Variants in NDUFAF2 observed in about 807,000 individuals in gnomAD.
NDUFAF2 encodes NADH:ubiquinone oxidoreductase complex assembly factor 2.
In NDUFAF2, 13 loss-of-function variants were observed where a neutral mutation model predicts 22.8. The ratio of observed to expected loss-of-function variants is 0.57; its 90% CI spans 0.37 to 0.91. The LOEUF (loss-of-function observed/expected upper bound fraction) is 0.91. NDUFAF2 is among the 40% of genes least tolerant of loss of function. The pLI is 0.01. For missense variants in NDUFAF2, 162 were observed against 195.2 expected (o/e 0.83, Z 1.01); for synonymous variants, 53 against 64.2 (o/e 0.83, Z 0.84).
intron 3 of NDUFAF2, among the ~76,000 whole-genome samples, chr5:61,148,496 A>T (rs1418460618): frequency 6.6e-6 from 1 of 152,212 alleles, no homozygotes; most frequent in Admixed American, 6.5e-5. Flanking sequence ...AATAGAATGA[A>T]ATCACTATTT....
At chr5:61,096,146 T>TCAGA (rs10676796) in intron 2 of NDUFAF2, among the ~76,000 whole-genome samples, 90,871 of 151,484 alleles carry the variant, frequency 0.6, 27,977 homozygotes, top group East Asian at 0.94. Flanking sequence ...CAAATATTTT[T>TCAGA]CAAAATATTC....
At chr5:61,066,361 A>G (rs1752228231) in intron 1 of NDUFAF2, among the ~76,000 whole-genome samples, 1 of 152,076 alleles carries the variant, frequency 6.6e-6, no homozygotes, top group Non-Finnish European at 1.5e-5. Context: ...AACAATCCTA[A>G]AATTTGTATA....
At chr5:60,963,218 A>C (rs1265785528) in intron 1 of NDUFAF2, among the ~76,000 whole-genome samples, 9 of 152,192 alleles carry the variant, frequency 5.9e-5, no homozygotes, top group Non-Finnish European at 1.2e-4. Flanking sequence ...AGAGATTCTA[A>C]TATTGAGTAG....
intron 1 of NDUFAF2, among the ~76,000 whole-genome samples, 177 bp from the exon 2 acceptor site, chr5:61,072,948 A>G (rs1752319042): frequency 6.6e-6 from 1 of 152,198 alleles, no homozygotes; most frequent in African/African-American, 2.4e-5. Flanking sequence ...AAATTTTTAC[A>G]GTAGTTTAGA....
At chr5:61,042,433 A>G (rs1751895132) in intron 1 of NDUFAF2, among the ~76,000 whole-genome samples, 2 of 152,208 alleles carry the variant, frequency 1.3e-5, no homozygotes, top group Non-Finnish European at 1.5e-5. Flanking sequence ...AATTCTATGT[A>G]TGTATGTATT....
At chr5:61,026,804 A>G (rs1258759742) in intron 1 of NDUFAF2, among the ~76,000 whole-genome samples, 6 of 151,970 alleles carry the variant, frequency 3.9e-5, no homozygotes, top group Non-Finnish European at 4.4e-5. Context: ...ATTTTTAGCA[A>G]AATGTACAAA....
At chr5:60,988,548 A>G (rs889015152) in intron 1 of NDUFAF2, among the ~76,000 whole-genome samples, 1 of 152,202 alleles carries the variant, frequency 6.6e-6, no homozygotes, top group African/African-American at 2.4e-5. Context: ...GGCTGTAGTA[A>G]CCAAAACAGT....
chr5:61,058,839 G>T (rs554969317), intron 1 of NDUFAF2, among the ~76,000 whole-genome samples: 2 of 152,124 alleles, frequency 1.3e-5, no homozygotes, highest in Middle Eastern at 3.4e-3. Context: ...AACCTGAAAT[G>T]ACTACTTCTT....
intron 2 of NDUFAF2, among the ~76,000 whole-genome samples, chr5:61,082,511 C>G (rs1287532960): frequency 6.6e-6 from 1 of 152,054 alleles, no homozygotes; most frequent in East Asian, 1.9e-4. Context: ...TTCAACTGAA[C>G]CTGTCACCCA....
intron 1 of NDUFAF2, among the ~76,000 whole-genome samples, chr5:60,986,052 A>G (rs1751070621): frequency 6.6e-6 from 1 of 152,224 alleles, no homozygotes; most frequent in Non-Finnish European, 1.5e-5. Flanking sequence ...ATGGGATTGT[A>G]AAGTAGTATA....
At chr5:60,979,124 A>G (rs746522279) in intron 1 of NDUFAF2, among the ~76,000 whole-genome samples, 17 of 151,822 alleles carry the variant, frequency 1.1e-4, no homozygotes, top group Non-Finnish European at 2.4e-4. Context: ...ACTTGCTGAC[A>G]AAAGTGCCTT....
rs190394456 is a variant in NDUFAF2 at position 61,027,762 on chromosome 5, C to T, written c.128-45363C>T. The stretch of plus-strand genomic sequence containing the variant: ...TTAATTTACTACTTATTAAAAGCCT[C>T]CTTTTTTTCTTCTTATCAGTTGCTG... On this transcript the variant is annotated intron_variant, in intron 1 of 3. Transcript: ENST00000296597. Among the ~76,000 whole-genome samples, 381 of 152,050 alleles carry T rather than the reference C, an allele frequency of 2.5e-3. 1 individual carries two copies. The highest frequency in any genetic ancestry group is 4.2e-3 in the Non-Finnish European group (282 of 67,900).
At chr5:61,080,617 C>A (rs549772909) in intron 2 of NDUFAF2, among the ~76,000 whole-genome samples, 60 of 152,186 alleles carry the variant, frequency 3.9e-4, no homozygotes, top group African/African-American at 1.4e-3. Context: ...TGACCTAGAT[C>A]ATCTTTTCAT....
chr5:61,053,449 G>C (rs1214979781), intron 1 of NDUFAF2, among the ~76,000 whole-genome samples: 1 of 152,164 alleles, frequency 6.6e-6, no homozygotes, highest in African/African-American at 2.4e-5. Flanking sequence ...TCTCCACATA[G>C]TAGAATAGAT....
intron 1 of NDUFAF2, among the ~76,000 whole-genome samples, chr5:61,045,513 T>A (rs1368851653): frequency 6.6e-6 from 1 of 151,868 alleles, no homozygotes; most frequent in East Asian, 1.9e-4. Flanking sequence ...TTTTTTACTT[T>A]ATTTTTTTAG....
chr5:61,081,182 T>C (rs1752437513), intron 2 of NDUFAF2, among the ~76,000 whole-genome samples: 1 of 152,210 alleles, frequency 6.6e-6, no homozygotes, highest in South Asian at 2.1e-4. Context: ...CATGGAGTTA[T>C]TTATCTTTTT....
At chr5:61,044,064 A>G (rs1008101463) in intron 1 of NDUFAF2, among the ~76,000 whole-genome samples, 93 of 152,154 alleles carry the variant, frequency 6.1e-4, no homozygotes, top group African/African-American at 2.2e-3. Context: ...GTGTAAGGTG[A>G]TATCTCATTG....
At chr5:61,044,777 CT>C (rs1227351129) in intron 1 of NDUFAF2, among the ~76,000 whole-genome samples, 1 of 151,970 alleles carries the variant, frequency 6.6e-6, no homozygotes, top group Non-Finnish European at 1.5e-5. Flanking sequence ...TGGCATTGTT[CT>C]TTTTGCTCAA....
At chr5:61,110,381 G>C (rs372696961) in intron 3 of NDUFAF2, among the ~76,000 whole-genome samples, 1 of 151,382 alleles carries the variant, frequency 6.6e-6, no homozygotes, top group East Asian at 1.9e-4. Context: ...TCCATTTTTC[G>C]GACTAGTTTG....
Sources: gnomAD v4.1 joint callset for allele counts (sites outside exome capture counted in the v4.1 genomes callset) on GRCh38, gnomAD v4.1.1 for gene constraint, MANE v1.5 for transcripts, NCBI Gene and HGNC (gene_info 2026-07-23, HGNC 2026-07-21) for gene names.